The following LRRTM4 variants were observed in gnomAD, a reference collection of about 807,000 sequenced individuals.
The protein encoded by LRRTM4 is leucine-rich repeat transmembrane neuronal protein 4.
LRRTM4 carries 25 observed loss-of-function variants against 47.6 expected under a neutral mutation model. The ratio of observed to expected loss-of-function variants is 0.53; its 90% CI spans 0.38 to 0.73. The LOEUF (loss-of-function observed/expected upper bound fraction) is 0.73, where lower values mean the gene tolerates loss of function less well. Among genes scored for constraint, LRRTM4 ranks in the 30% least tolerant of loss-of-function variants. LRRTM4 has a pLI of 0.00. For synonymous variants in LRRTM4, 311 were observed against 269.5 expected, an observed-to-expected ratio of 1.15 and a Z score of -1.51; for missense variants, 638 against 713.4, an observed-to-expected ratio of 0.89 and a Z score of 1.20.
At chr2:77,014,505 T>C (rs1573452576) in intron 3 of LRRTM4, among the ~76,000 whole-genome samples, 1 of 81,534 alleles carries the variant, frequency 1.2e-5, no homozygotes, top group Non-Finnish European at 2.6e-5. Context: ...TGCCCTTTCA[T>C]ATATATATAT....
intron 3 of LRRTM4, among the ~76,000 whole-genome samples, chr2:77,365,905 C>G (rs894202557): frequency 4.1e-5 from 6 of 145,092 alleles, no homozygotes; most frequent in African/African-American, 1.6e-4. Context: ...TTTATTTTTC[C>G]TATATTATAT....
In LRRTM4 at chr2:76,748,623, A is replaced by G; in HGVS notation, c.*72T>C. ...CTTGCTCGATTGCGCGATTGTGGAC[A>G]CCCATTCTCCTTTAAGATGAAGGCC... On this transcript the variant is annotated 3_prime_UTR_variant, in exon 4 of 4. Coordinates refer to ENST00000409884, the MANE Select transcript of LRRTM4 (RefSeq NM_001134745.3). 8.3e-7 allele frequency: 1 copy of G among 1,201,482 alleles called. No individual in the cohort carries two copies. Among genetic ancestry groups the G allele is most frequent in the Admixed American group, 1.7e-5 (1 of 57,360 alleles). 74.4% of individuals were successfully genotyped at this position (1,201,482 alleles called of 1,614,324 possible). A position where few individuals can be genotyped will look rare whatever the true frequency, so the allele number is the denominator to read the frequency against.
intron 3 of LRRTM4, among the ~76,000 whole-genome samples, chr2:76,808,485 G>T (rs1328197500): frequency 1.3e-5 from 2 of 150,976 alleles, no homozygotes; most frequent in East Asian, 1.9e-4. Context: ...AGGAGAGACA[G>T]GAACTACCTG....
chr2:76,936,551 G>A (rs1308527452), intron 3 of LRRTM4, among the ~76,000 whole-genome samples: 6 of 147,316 alleles, frequency 4.1e-5, no homozygotes, highest in Non-Finnish European at 5.9e-5. Context: ...AAACCTGCAC[G>A]TTCTGCACAT....
intron 3 of LRRTM4, among the ~76,000 whole-genome samples, chr2:77,363,088 A>C (rs1194949059): frequency 6.6e-6 from 1 of 152,194 alleles, no homozygotes; most frequent in Non-Finnish European, 1.5e-5. Flanking sequence ...TTAAGCAACA[A>C]AGGTGAGGAT....
intron 3 of LRRTM4, among the ~76,000 whole-genome samples, chr2:77,328,484 C>T (rs1256952558): frequency 2.0e-5 from 3 of 152,140 alleles, no homozygotes; most frequent in Non-Finnish European, 4.4e-5. Context: ...TCTTTTCTTC[C>T]TTTCACTCAT....
At chr2:77,407,030 T>C (rs948421792) in intron 3 of LRRTM4, among the ~76,000 whole-genome samples, 23 of 152,278 alleles carry the variant, frequency 1.5e-4, no homozygotes, top group African/African-American at 5.3e-4. Flanking sequence ...ATGTTTTAAA[T>C]AGATAATTTC....
chr2:77,096,832 A>G (rs142208129), intron 3 of LRRTM4, among the ~76,000 whole-genome samples: 28 of 151,890 alleles, frequency 1.8e-4, no homozygotes, highest in African/African-American at 5.8e-4. Flanking sequence ...CAGGAGAAAT[A>G]GAGTGTCCAT....
chr2:76,972,101 T>C (rs62170359), intron 3 of LRRTM4, among the ~76,000 whole-genome samples: 18,871 of 152,036 alleles, frequency 0.12, 1,484 homozygotes, highest in Admixed American at 0.2. Context: ...GTCAGTTCTA[T>C]ACTAACTCAG....
rs550840921 is a variant in LRRTM4 at position 77,149,070 on chromosome 2, A to G, written c.1551+369248T>C. On this transcript the variant is annotated intron_variant, in intron 3 of 3. Transcript: ENST00000409884. Reference sequence around the variant, plus strand: ...TATTCACACCATGATTTTCTATGCCAAGAATCAAGACCTGTATTAGTAAGT... The same window carrying G: ...TATTCACACCATGATTTTCTATGCCGAGAATCAAGACCTGTATTAGTAAGT... Among the ~76,000 whole-genome samples, 39 of 152,302 alleles carry G rather than the reference A, an allele frequency of 2.6e-4. No homozygotes were observed. The South Asian group carries it at 6.4e-3, about 25-fold the overall frequency.
At chr2:77,133,487 C>T (rs762753712) in intron 3 of LRRTM4, among the ~76,000 whole-genome samples, 7 of 152,068 alleles carry the variant, frequency 4.6e-5, no homozygotes, top group Non-Finnish European at 1.0e-4. Flanking sequence ...TGAGTTACTT[C>T]AAGGGTCAGT....
chr2:76,772,003 T>A (rs1406097177), intron 3 of LRRTM4, among the ~76,000 whole-genome samples: 1 of 152,116 alleles, frequency 6.6e-6, no homozygotes, highest in African/African-American at 2.4e-5. Flanking sequence ...ATGCCAAGAT[T>A]TAAGGGAATT....
intron 3 of LRRTM4, among the ~76,000 whole-genome samples, chr2:77,336,559 T>C (rs563026215): frequency 6.6e-6 from 1 of 152,226 alleles, no homozygotes; most frequent in East Asian, 1.9e-4. Context: ...CAAGGATGGT[T>C]CAACATAGGC....
chr2:77,274,733 G>T (rs972253395), intron 3 of LRRTM4, among the ~76,000 whole-genome samples: 1 of 151,958 alleles, frequency 6.6e-6, no homozygotes, highest in African/African-American at 2.4e-5. Flanking sequence ...TTCCAACATC[G>T]ACTAAAACCT....
intron 3 of LRRTM4, among the ~76,000 whole-genome samples, chr2:77,265,123 AT>A (rs1458740676): frequency 1.3e-5 from 2 of 152,128 alleles, no homozygotes; most frequent in East Asian, 3.9e-4. Context: ...TTCACATACA[AT>A]AGAGGAAAAA....
At chr2:76,951,652 AT>A (rs1456565411) in intron 3 of LRRTM4, among the ~76,000 whole-genome samples, 4 of 151,980 alleles carry the variant, frequency 2.6e-5, no homozygotes, top group Non-Finnish European at 4.4e-5. Context: ...TCTGGGATAC[AT>A]ATGCAGAACA....
chr2:76,916,463 T>C (rs2103795685), intron 3 of LRRTM4, among the ~76,000 whole-genome samples: 1 of 149,090 alleles, frequency 6.7e-6, no homozygotes, highest in South Asian at 2.1e-4. Flanking sequence ...CAGCATCTGA[T>C]CATGTCCATG....
At chr2:76,950,251 G>A (rs973352194) in intron 3 of LRRTM4, among the ~76,000 whole-genome samples, 1 of 151,906 alleles carries the variant, frequency 6.6e-6, no homozygotes, top group Non-Finnish European at 1.5e-5. Flanking sequence ...TATATTAAAA[G>A]TCACCTCAAA....
chr2:77,290,588 T>C (rs1676795522), intron 3 of LRRTM4, among the ~76,000 whole-genome samples: 1 of 152,012 alleles, frequency 6.6e-6, no homozygotes, highest in African/African-American at 2.4e-5. Flanking sequence ...GATATATGCT[T>C]GAGATGATGG....
Sources: allele counts gnomAD v4.1 joint callset (sites outside exome capture counted in the v4.1 genomes callset), GRCh38; gene constraint gnomAD v4.1.1; transcripts MANE v1.5; gene names NCBI Gene and HGNC (gene_info 2026-07-23, HGNC 2026-07-21).